Variants in SYT9 observed in about 807,000 individuals in gnomAD.
The protein encoded by SYT9 is synaptotagmin-9.
SYT9 carries 22 observed loss-of-function variants against 48.4 expected under a neutral mutation model. That is an observed-to-expected ratio of 0.45 (90% confidence interval 0.32 to 0.65). The LOEUF (loss-of-function observed/expected upper bound fraction) is 0.65, where lower values mean the gene tolerates loss of function less well. SYT9 is among the 30% of genes least tolerant of loss of function. The probability of loss-of-function intolerance (pLI) is 0.03; values close to 1 mark genes in which losing one functional copy is unlikely to be tolerated. For synonymous variants in SYT9, 265 were observed against 245.0 expected (o/e 1.08, Z -0.76); for missense variants, 577 against 622.0 (o/e 0.93, Z 0.77).
At chr11:7,336,547 CA>C (rs764800536) in intron 3 of SYT9, among the ~76,000 whole-genome samples, 2 of 152,048 alleles carry the variant, frequency 1.3e-5, no homozygotes, top group Non-Finnish European at 2.9e-5. Context: ...TAGTTTCGAT[CA>C]TCTTCATATG....
chr11:7,458,370 A>C (rs1848185971), intron 6 of SYT9, among the ~76,000 whole-genome samples: 1 of 152,122 alleles, frequency 6.6e-6, no homozygotes. Flanking sequence ...AATCCCAGCC[A>C]CTCAAAAGGC....
chr11:7,393,529 C>T (rs954996044), intron 3 of SYT9, among the ~76,000 whole-genome samples: 1 of 151,820 alleles, frequency 6.6e-6, no homozygotes, highest in Non-Finnish European at 1.5e-5. Flanking sequence ...GATTTTTGTT[C>T]TATGTTCATT....
chr11:7,388,951 C>G lies in SYT9; in HGVS notation c.1045-27091C>G, dbSNP rs1042846277. ...GGGTTCACAAGCATATGGACCACAA[C>G]CACATCTCCCCTTCCCAGTCCAGGA... is the stretch of plus-strand genomic sequence containing the variant. On this transcript the variant is annotated intron_variant, in intron 3 of 6. Transcript: ENST00000318881. Among the ~76,000 whole-genome samples, 10 of 152,198 alleles carry G rather than the reference C, an allele frequency of 6.6e-5. No individual in the cohort carries two copies. In the East Asian group the frequency reaches 1.9e-3, roughly 29 times the overall value.
rs576864117 is a variant in SYT9, at chr11:7,341,681, GT to G, written c.1044+27744del. Reference sequence around the variant, plus strand: ...AGACAGCGGCCATGAGACTGAGTTGGTTTTATGAAGCAGAGGAGTCAAGTTT... The same window carrying G: ...AGACAGCGGCCATGAGACTGAGTTGGTTTATGAAGCAGAGGAGTCAAGTTT... On this transcript the variant is annotated intron_variant, in intron 3 of 6. Transcript: ENST00000318881. Among the ~76,000 whole-genome samples the G allele has an allele frequency of 1.5e-4, 23 of 152,182 alleles. No homozygotes were observed. The East Asian group carries it at 4.3e-3, about 28-fold the overall frequency.
chr11:7,305,509 A>T (rs902890277), intron 2 of SYT9, among the ~76,000 whole-genome samples: 1 of 152,210 alleles, frequency 6.6e-6, no homozygotes. Context: ...ATGCACACAC[A>T]CATACACACT....
At chr11:7,316,552 A>T (rs999943951) in intron 3 of SYT9, among the ~76,000 whole-genome samples, 2 of 152,184 alleles carry the variant, frequency 1.3e-5, no homozygotes, top group African/African-American at 4.8e-5. Flanking sequence ...TCTTGTACTG[A>T]TGACATTCAG....
intron 1 of SYT9, among the ~76,000 whole-genome samples, chr11:7,277,962 G>C (rs911872903): frequency 6.6e-6 from 1 of 152,190 alleles, no homozygotes; most frequent in African/African-American, 2.4e-5. Flanking sequence ...CAAAATATCT[G>C]AAACTGAGTA....
chr11:7,238,800 T>C, exon 1 of SYT9: 1 of 455,218 alleles, frequency 2.2e-6, no homozygotes, highest in South Asian at 1.6e-5. Context: ...TTTGTCAACA[T>C]GATCCTCCTG....
chr11:7,398,764 C>T (rs985078481), intron 3 of SYT9, among the ~76,000 whole-genome samples: 1 of 152,046 alleles, frequency 6.6e-6, no homozygotes, highest in African/African-American at 2.4e-5. Context: ...TGTTGAGTGC[C>T]AACAAATGGA....
intron 1 of SYT9, among the ~76,000 whole-genome samples, chr11:7,277,313 T>A (rs990571725): frequency 6.6e-6 from 1 of 152,218 alleles, no homozygotes; most frequent in Admixed American, 6.5e-5. Flanking sequence ...TAAAATTACA[T>A]TTCCAAAATC....
chr11:7,361,087 T>G (rs67933017), intron 3 of SYT9, among the ~76,000 whole-genome samples: 1 of 152,064 alleles, frequency 6.6e-6, no homozygotes, highest in East Asian at 1.9e-4. Flanking sequence ...TTCTTGATTC[T>G]TTTTATCAAG....
At chr11:7,465,231 G>A (rs1225359595) in intron 6 of SYT9, among the ~76,000 whole-genome samples, 1 of 152,104 alleles carries the variant, frequency 6.6e-6, no homozygotes, top group Non-Finnish European at 1.5e-5. Context: ...TCCCAGAGAT[G>A]TGTGTGTGTG....
rs922009371 is a variant in SYT9, at chr11:7,446,600, A to G, written c.1468-20192A>G. ...AGGTACCACAGGATGGTCTTTTAGG[A>G]ACGTAGATCCTAGCACTTCCCAGAG... On this transcript the variant is annotated intron_variant, in intron 6 of 6. Transcript: ENST00000318881. Among the ~76,000 whole-genome samples the G allele has an allele frequency of 7.2e-5, 11 of 152,246 alleles. No individual in the cohort carries two copies. In the East Asian group the frequency reaches 2.1e-3, roughly 29 times the overall value.
At chr11:7,321,671 T>C (rs1299623971) in intron 3 of SYT9, among the ~76,000 whole-genome samples, 2 of 152,142 alleles carry the variant, frequency 1.3e-5, no homozygotes, top group Admixed American at 6.5e-5. Context: ...GGGTAACTCA[T>C]AGGCAGTGTG....
intron 6 of SYT9, among the ~76,000 whole-genome samples, chr11:7,442,574 C>T (rs1847847881): frequency 6.6e-6 from 1 of 152,204 alleles, no homozygotes; most frequent in Admixed American, 6.5e-5. Flanking sequence ...CCCACTTCTG[C>T]AGCTCCCCAC....
chr11:7,364,261 G>A (rs1456293128), intron 3 of SYT9, among the ~76,000 whole-genome samples: 1 of 152,184 alleles, frequency 6.6e-6, no homozygotes, highest in Non-Finnish European at 1.5e-5. Flanking sequence ...AGTGATGTTG[G>A]CAGCGAGTTA....
At chr11:7,367,468 T>C (rs1850275685) in intron 3 of SYT9, among the ~76,000 whole-genome samples, 1 of 152,016 alleles carries the variant, frequency 6.6e-6, no homozygotes. Context: ...CCAAGGTTTT[T>C]TTCTGTTATC....
intron 3 of SYT9, among the ~76,000 whole-genome samples, chr11:7,347,702 C>T (rs891326310): frequency 1.3e-5 from 2 of 152,178 alleles, no homozygotes; most frequent in South Asian, 2.1e-4. Context: ...TCACAACAGC[C>T]TTGGCCAGCA....
At chr11:7,449,952 A>T (rs995357641) in intron 6 of SYT9, among the ~76,000 whole-genome samples, 2 of 150,998 alleles carry the variant, frequency 1.3e-5, no homozygotes, top group African/African-American at 4.9e-5. Flanking sequence ...TAACTTCTCA[A>T]CTCCTGTCTG....
Sources: gnomAD v4.1 joint callset for allele counts (sites outside exome capture counted in the v4.1 genomes callset) on GRCh38, gnomAD v4.1.1 for gene constraint, MANE v1.5 for transcripts, NCBI Gene and HGNC (gene_info 2026-07-23, HGNC 2026-07-21) for gene names.